The following TUBA4B variants were observed in gnomAD, a reference collection of about 807,000 sequenced individuals.
TUBA4B encodes tubulin-like protein alpha-4B.
TUBA4B carries 13 observed loss-of-function variants against 18.4 expected under a neutral mutation model. That is an observed-to-expected ratio of 0.71 (90% CI 0.46 to 1.12). TUBA4B has a LOEUF of 1.12. Among genes scored for constraint, TUBA4B ranks in the 50% most tolerant of loss-of-function variants. The pLI is 0.00. For missense variants in TUBA4B, 244 were observed against 250.0 expected (o/e 0.98, Z 0.16); for synonymous variants, 101 against 99.1 (o/e 1.02, Z -0.11).
Position 219,253,267 on chromosome 2 carries a change from GCTT to G in TUBA4B, c.-139_-137del, listed in dbSNP as rs1346432323. 4.0e-6 allele frequency: 6 copies of G among 1,493,674 alleles called. No individual in the cohort carries two copies. Among genetic ancestry groups the G allele is most frequent in the Non-Finnish European group, 5.3e-6 (6 of 1,121,676 alleles). 92.5% of individuals were successfully genotyped at this position (1,493,674 alleles called of 1,614,324 possible). A position where few individuals can be genotyped will look rare whatever the true frequency, so the allele number is the denominator to read the frequency against. On this transcript the variant is annotated 5_prime_UTR_variant, in exon 1 of 4. Transcript: ENST00000490341. The stretch of plus-strand genomic sequence containing the variant: ...TGTCTCTGCCCATCCGCGCACCCGG[GCTT>G]CGGCTGGAGAGGGCCAGCTCGCTTC...
chr2:219,270,027 T>C (rs1488779182), intron 2 of TUBA4B, among the ~76,000 whole-genome samples, 175 bp from the exon 3 acceptor site: 1 of 152,042 alleles, frequency 6.6e-6, no homozygotes, highest in Non-Finnish European at 1.5e-5. Context: ...CTTTCCTTAT[T>C]GAAAAACACA....
chr2:219,256,679 A>G (rs1302211781), intron 1 of TUBA4B, among the ~76,000 whole-genome samples: 1 of 150,882 alleles, frequency 6.6e-6, no homozygotes, highest in Non-Finnish European at 1.5e-5. Flanking sequence ...AGAAGGAGGC[A>G]GGAGGGTCAG....
At chr2:219,257,886 C>G (rs1225711893) in intron 1 of TUBA4B, among the ~76,000 whole-genome samples, 2 of 151,394 alleles carry the variant, frequency 1.3e-5, no homozygotes, top group African/African-American at 2.4e-5. Context: ...CTGTGTTGCC[C>G]AAGCTGGTCT....
chr2:219,262,108 G>A (rs1052731196), intron 1 of TUBA4B, among the ~76,000 whole-genome samples: 23 of 152,150 alleles, frequency 1.5e-4, no homozygotes, highest in African/African-American at 5.6e-4. Flanking sequence ...TCAGGAGATC[G>A]AGACCATCCT....
At chr2:219,253,731 A>G (rs1247746899) in intron 1 of TUBA4B, 1 of 1,204,988 alleles carries the variant, frequency 8.3e-7, no homozygotes, top group East Asian at 2.6e-5. Context: ...GAGGATGCAA[A>G]ACCCTCGCAC....
At chr2:219,255,863 T>C (rs1006049735) in intron 1 of TUBA4B, among the ~76,000 whole-genome samples, 15 of 152,116 alleles carry the variant, frequency 9.9e-5, no homozygotes, top group African/African-American at 3.6e-4. Flanking sequence ...CAACTCTCTA[T>C]CAACAAAATA....
At chr2:219,260,516 A>T (rs188894257) in intron 1 of TUBA4B, among the ~76,000 whole-genome samples, 1 of 152,272 alleles carries the variant, frequency 6.6e-6, no homozygotes, top group Non-Finnish European at 1.5e-5. Flanking sequence ...TCATATGACT[A>T]ATTGCTTTCT....
chr2:219,258,040 G>A (rs1028694967), intron 1 of TUBA4B, among the ~76,000 whole-genome samples: 8 of 143,248 alleles, frequency 5.6e-5, no homozygotes, highest in African/African-American at 2.1e-4. Flanking sequence ...AGGCTGGAGT[G>A]CAGTAGTGTG....
At chr2:219,255,524 C>A (rs1039683996) in intron 1 of TUBA4B, among the ~76,000 whole-genome samples, 3 of 152,144 alleles carry the variant, frequency 2.0e-5, no homozygotes, top group Non-Finnish European at 2.9e-5. Context: ...TGAGCCCCCA[C>A]ACCCGGCCTT....
intron 3 of TUBA4B, 122 bp from the exon 4 acceptor site, chr2:219,271,044 C>T: frequency 3.3e-6 from 2 of 606,166 alleles, no homozygotes; most frequent in Non-Finnish European, 5.9e-6. Flanking sequence ...CTTTTGTGCT[C>T]TTGGAAAAGT....
intron 2 of TUBA4B, 50 bp downstream of exon 2, chr2:219,266,616 G>A (rs1261289430): frequency 1.4e-6 from 1 of 701,634 alleles, no homozygotes; most frequent in Admixed American, 2.0e-5. Flanking sequence ...GAGGGTCCCA[G>A]TGGGCCCAAG....
At chr2:219,261,656 A>G (rs1392020966) in intron 1 of TUBA4B, among the ~76,000 whole-genome samples, 1 of 152,100 alleles carries the variant, frequency 6.6e-6, no homozygotes, top group African/African-American at 2.4e-5. Flanking sequence ...ACCACCCCCT[A>G]CTACCATCCC....
chr2:219,258,154 C>A (rs1951734125), intron 1 of TUBA4B, among the ~76,000 whole-genome samples: 1 of 151,724 alleles, frequency 6.6e-6, no homozygotes, highest in Non-Finnish European at 1.5e-5. Context: ...GCATGCCTGG[C>A]TAATTTTTGT....
intron 1 of TUBA4B, among the ~76,000 whole-genome samples, chr2:219,263,199 A>T (rs983978402): frequency 6.6e-6 from 1 of 152,022 alleles, no homozygotes; most frequent in Admixed American, 6.5e-5. Flanking sequence ...ATGCTTTAAA[A>T]ATCTCAGTCT....
At chr2:219,259,318 TAAAAAAAAAAAAA>T (rs35321348) in intron 1 of TUBA4B, among the ~76,000 whole-genome samples, 2 of 73,924 alleles carry the variant, frequency 2.7e-5, no homozygotes, top group Admixed American at 1.6e-4. Flanking sequence ...AGACTCTGTC[TAAAAAAAAAAAAA>T]AAAAAAAAAG....
At chr2:219,269,334 C>T (rs1344034734) in intron 2 of TUBA4B, among the ~76,000 whole-genome samples, 1 of 152,126 alleles carries the variant, frequency 6.6e-6, no homozygotes, top group African/African-American at 2.4e-5. Context: ...TAGATTCATT[C>T]GATTCCTTCA....
In TUBA4B at chr2:219,253,760, G is replaced by T. The variant is rs1951688234; in HGVS notation, c.12+341G>T. On this transcript the variant is annotated intron_variant, in intron 1 of 3. Transcript: ENST00000490341. The stretch of plus-strand genomic sequence containing the variant: ...CTCGCACCTCCTGGAGACCCGGAAC[G>T]CCCGGTGGAGGTCCCCGAGCATGCC... 3.3e-5 allele frequency: 48 copies of T among 1,435,982 alleles called. 1 individual carries two copies. The South Asian group carries it at 5.6e-4, about 17-fold the overall frequency. The allele number at this position is 1,435,982 out of a possible 1,614,324, so 89.0% of individuals were successfully genotyped here.
At position 219,271,432 on chromosome 2, in the gene TUBA4B, C is replaced by T; in HGVS notation, c.459C>T (p.His153=). 1.9e-6 allele frequency: 3 copies of T among 1,614,190 alleles called. No individual in the cohort carries two copies. The East Asian group carries it at 6.7e-5, about 36-fold the overall frequency. The change falls in exon 4 of 4, where the codon CAC becomes CAT. Residue 153 remains histidine, a synonymous_variant. Coordinates refer to ENST00000490341, the MANE Select transcript of TUBA4B (RefSeq NM_001355221.1). ...VDNKAIYDIC[H]CNLDIERPTY... The stretch of plus-strand genomic sequence containing the variant: ...ACAAAGCAATCTATGACATCTGCCA[C>T]TGCAACCTAGACATCGAGCGCCCAA...
intron 2 of TUBA4B, 113 bp downstream of exon 2, chr2:219,266,679 T>A (rs911954931): frequency 9.6e-5 from 62 of 647,048 alleles, no homozygotes; most frequent in Admixed American, 3.5e-4. Flanking sequence ...GGCTACAGTA[T>A]GTGGCGAGGT....
Sources: allele counts gnomAD v4.1 joint callset (sites outside exome capture counted in the v4.1 genomes callset), GRCh38; gene constraint gnomAD v4.1.1; transcripts MANE v1.5; gene names NCBI Gene and HGNC (gene_info 2026-07-23, HGNC 2026-07-21).